Variants in SIPA1L1 observed in about 807,000 individuals in gnomAD.
SIPA1L1 encodes signal induced proliferation associated 1 like 1.
Under a neutral mutation model 162.7 loss-of-function variants are expected in SIPA1L1, and 26 were observed. The observed-to-expected ratio is 0.16, with a 90% CI of 0.12 to 0.22. The LOEUF (loss-of-function observed/expected upper bound fraction) is 0.22, where lower values mean the gene tolerates loss of function less well. SIPA1L1 is among the 10% of genes least tolerant of loss of function. The pLI, the probability that SIPA1L1 is intolerant of heterozygous loss-of-function variation, is 1.00. For missense variants in SIPA1L1, 1,874 were observed against 2,241.0 expected (o/e 0.84, Z 3.31); for synonymous variants, 829 against 837.4 (o/e 0.99, Z 0.17).
intron 9 of SIPA1L1, among the ~76,000 whole-genome samples, chr14:71,660,224 G>T (rs1013512665): frequency 2.0e-5 from 3 of 151,946 alleles, no homozygotes; most frequent in Non-Finnish European, 2.9e-5. Flanking sequence ...TTAATTATTG[G>T]TATGTTCTGT....
intron 3 of SIPA1L1, among the ~76,000 whole-genome samples, chr14:71,526,705 T>C (rs1379796041): frequency 6.6e-6 from 1 of 152,138 alleles, no homozygotes; most frequent in Non-Finnish European, 1.5e-5. Context: ...GCCTGAAATA[T>C]TTACTATTTG....
chr14:71,444,836 C>T (rs1207108321), intron 2 of SIPA1L1, among the ~76,000 whole-genome samples: 1 of 152,110 alleles, frequency 6.6e-6, no homozygotes, highest in Non-Finnish European at 1.5e-5. Context: ...ATACTCTCAG[C>T]TTTGGAATGT....
chr14:71,583,711 C>G (rs1421232926), intron 4 of SIPA1L1, among the ~76,000 whole-genome samples: 2 of 151,496 alleles, frequency 1.3e-5, no homozygotes, highest in African/African-American at 2.4e-5. Context: ...TTTCATTATT[C>G]TGCTTGTTGG....
intron 20 of SIPA1L1, among the ~76,000 whole-genome samples, chr14:71,731,670 G>C (rs538409640): frequency 5.9e-4 from 90 of 152,324 alleles, no homozygotes; most frequent in Non-Finnish European, 1.2e-3. Flanking sequence ...GCCCTGAGTA[G>C]TAGAAGCCTA....
intron 5 of SIPA1L1, among the ~76,000 whole-genome samples, chr14:71,603,785 C>G (rs539556105): frequency 6.6e-6 from 1 of 151,386 alleles, no homozygotes; most frequent in Non-Finnish European, 1.5e-5. Flanking sequence ...CAGCCAGGCA[C>G]GTGCGTGTAA....
intron 18 of SIPA1L1, 22 bp downstream of exon 18, chr14:71,723,908 T>C: frequency 6.2e-7 from 1 of 1,613,412 alleles, no homozygotes; most frequent in African/African-American, 1.3e-5. Context: ...TTTCCTTCCC[T>C]TGCTGGTGGC....
intron 12 of SIPA1L1, among the ~76,000 whole-genome samples, chr14:71,682,661 GC>G (rs2045913735): frequency 6.6e-6 from 1 of 152,212 alleles, no homozygotes; most frequent in African/African-American, 2.4e-5. Context: ...AGCGTCTTTG[GC>G]CAGAGAGGCC....
intron 3 of SIPA1L1, among the ~76,000 whole-genome samples, chr14:71,525,651 A>G (rs2052792824): frequency 1.3e-5 from 2 of 152,242 alleles, no homozygotes; most frequent in African/African-American, 4.8e-5. Context: ...CTTCACTTGA[A>G]AAGTTGAAAC....
intron 3 of SIPA1L1, among the ~76,000 whole-genome samples, chr14:71,518,279 C>T (rs541891997): frequency 5.3e-4 from 74 of 140,840 alleles, no homozygotes; most frequent in Admixed American, 1.6e-3. Context: ...GGGAGACTGT[C>T]TCAAAAAAAA....
At chr14:71,639,986 C>G (rs1366396437) in intron 7 of SIPA1L1, among the ~76,000 whole-genome samples, 1 of 152,148 alleles carries the variant, frequency 6.6e-6, no homozygotes, top group South Asian at 2.1e-4. Flanking sequence ...TTACTGCAAC[C>G]TCCGCCTCCC....
Position 71,548,672 on chromosome 14 carries a change from G to A in SIPA1L1, c.-303+19302G>A, listed in dbSNP as rs139816104. 3.6e-3 allele frequency among the ~76,000 whole-genome samples: 551 copies of A among 152,136 alleles called. 6 individuals are homozygous for A. The highest frequency in any genetic ancestry group is 0.013 in the African/African-American group (531 of 41,486). On this transcript the variant is annotated intron_variant, in intron 4 of 23. Transcript: ENST00000381232. ...AGCACTTTGGGAGGCCGAGGTGATC[G>A]GATCGCTTGAGGCCAGGAGTTCCAG...
chr14:71,607,626 T>C (rs2037683064), intron 5 of SIPA1L1, among the ~76,000 whole-genome samples: 1 of 152,158 alleles, frequency 6.6e-6, no homozygotes, highest in Admixed American at 6.5e-5. Context: ...GTTTCCTCAG[T>C]CAGATAAGGA....
At position 71,722,180 on chromosome 14, in the gene SIPA1L1, T is replaced by C. The variant is rs118137914; in HGVS notation, c.4209-1467T>C. ...CCATCTTTCCCACCCTCTTCAGTGG[T>C]TCTTTCCCCTTGATATGATGTGACA... is the stretch of plus-strand genomic sequence containing the variant. On this transcript the variant is annotated intron_variant, in intron 17 of 23. Coordinates refer to ENST00000381232, the MANE Select transcript of SIPA1L1 (RefSeq NM_001386936.1). 2.7e-3 allele frequency among the ~76,000 whole-genome samples: 413 copies of C among 152,316 alleles called. 1 individual carries two copies. The highest frequency in any genetic ancestry group is 5.0e-3 in the African/African-American group (207 of 41,572).
Position 71,486,581 on chromosome 14 carries a change from C to T in SIPA1L1, c.-464-26162C>T, listed in dbSNP as rs528908250. On this transcript the variant is annotated intron_variant, in intron 2 of 23. Transcript: ENST00000381232. ...TACTTCTATCGCTAAAGAAGGGGAG[C>T]GGAGTGGAAACTGAGTTTGAAAAAG... Among the ~76,000 whole-genome samples, 9 of 152,280 alleles carry T rather than the reference C, an allele frequency of 5.9e-5. No homozygotes were observed. The South Asian group carries it at 1.2e-3, about 21-fold the overall frequency.
intron 2 of SIPA1L1, among the ~76,000 whole-genome samples, chr14:71,372,780 C>T (rs1054023654): frequency 6.6e-6 from 1 of 152,144 alleles, no homozygotes; most frequent in African/African-American, 2.4e-5. Context: ...TATTCAGTTG[C>T]ATAATCACAG....
chr14:71,593,715 G>A (rs1183601265), intron 5 of SIPA1L1, among the ~76,000 whole-genome samples: 1 of 152,154 alleles, frequency 6.6e-6, no homozygotes, highest in African/African-American at 2.4e-5. Flanking sequence ...AATTGTCTAT[G>A]AAGTGTGTTC....
At chr14:71,734,245 G>A (rs1018469393) in intron 21 of SIPA1L1, among the ~76,000 whole-genome samples, 2 of 152,350 alleles carry the variant, frequency 1.3e-5, no homozygotes, top group Non-Finnish European at 2.9e-5. Context: ...ATCTCCGTGC[G>A]CGGTAGCGCG....
At chr14:71,528,260 A>G (rs2053086145) in intron 3 of SIPA1L1, among the ~76,000 whole-genome samples, 1 of 152,176 alleles carries the variant, frequency 6.6e-6, no homozygotes, top group Admixed American at 6.5e-5. Context: ...AGGAATTTAG[A>G]AATCGAAGCT....
chr14:71,623,408 G>T (rs903369636), intron 6 of SIPA1L1, among the ~76,000 whole-genome samples: 1 of 152,172 alleles, frequency 6.6e-6, no homozygotes, highest in Non-Finnish European at 1.5e-5. Flanking sequence ...ACATCATTAC[G>T]TAGGAAAATG....
Sources: allele counts gnomAD v4.1 joint callset (sites outside exome capture counted in the v4.1 genomes callset), GRCh38; gene constraint gnomAD v4.1.1; transcripts MANE v1.5; gene names NCBI Gene and HGNC (gene_info 2026-07-23, HGNC 2026-07-21).